Variants in CDC16 observed in about 807,000 individuals in gnomAD.
CDC16 encodes the protein cell division cycle 16, also known as cell division cycle protein 16 homolog.
Under a neutral mutation model 87.0 loss-of-function variants are expected in CDC16, and 34 were observed. That is an observed-to-expected ratio of 0.39 (90% CI 0.30 to 0.52). The LOEUF (loss-of-function observed/expected upper bound fraction) is 0.52, where lower values mean the gene tolerates loss of function less well. CDC16 is among the 20% of genes least tolerant of loss of function. The pLI is 0.74. For synonymous variants in CDC16, 263 were observed against 260.6 expected (o/e 1.01, Z -0.09); for missense variants, 653 against 751.9 (o/e 0.87, Z 1.54).
At chr13:114,254,501 T>A (rs2082381616) in intron 12 of CDC16, among the ~76,000 whole-genome samples, 1 of 152,232 alleles carries the variant, frequency 6.6e-6, no homozygotes, top group Non-Finnish European at 1.5e-5. Context: ...CTTACTCCGA[T>A]ATAGCTGTTT....
At chr13:114,265,544 C>G (rs912820532) in intron 17 of CDC16, among the ~76,000 whole-genome samples, 1 of 152,184 alleles carries the variant, frequency 6.6e-6, no homozygotes, top group African/African-American at 2.4e-5. Context: ...GAAAAGAAAT[C>G]TTAGCAACAT....
chr13:114,263,096 A>G, intron 16 of CDC16, 82 bp downstream of exon 16: 1 of 1,226,722 alleles, frequency 8.2e-7, no homozygotes, highest in Non-Finnish European at 1.2e-6. Flanking sequence ...TCTAGGTAAT[A>G]TTGACTTACT....
chr13:114,268,915 C>T (rs893771229), intron 17 of CDC16, among the ~76,000 whole-genome samples: 1 of 152,216 alleles, frequency 6.6e-6, no homozygotes, highest in Non-Finnish European at 1.5e-5. Flanking sequence ...TGTGGAGCAA[C>T]TTGAACTCTC....
intron 7 of CDC16, 79 bp from the exon 8 acceptor site, chr13:114,243,777 T>G: frequency 1.6e-6 from 2 of 1,236,634 alleles, no homozygotes; most frequent in Non-Finnish European, 2.3e-6. Flanking sequence ...TTTAACCACT[T>G]GGGCCAAACA....
At chr13:114,266,975 C>T (rs1260817851) in intron 17 of CDC16, among the ~76,000 whole-genome samples, 7 of 151,764 alleles carry the variant, frequency 4.6e-5, no homozygotes, top group Non-Finnish European at 8.8e-5. Context: ...GGATTACAGG[C>T]GTGAGCCACC....
rs113389702 is a variant in CDC16, at chr13:114,259,053, C to T, written c.1251-282C>T. Among the ~76,000 whole-genome samples the T allele has an allele frequency of 1.8e-4, 26 of 147,094 alleles. 1 individual carries two copies. The East Asian group carries it at 3.8e-3, about 21-fold the overall frequency. On this transcript the variant is annotated intron_variant, in intron 13 of 17. Transcript: ENST00000356221. The stretch of plus-strand genomic sequence containing the variant: ...GGCAGAGGCTGCAGTGAGCTGAGAT[C>T]GCACCACTGCACTCCAGCCTAGGTA...
chr13:114,242,438 A>G, intron 6 of CDC16, 158 bp downstream of exon 6: 1 of 676,434 alleles, frequency 1.5e-6, no homozygotes, highest in East Asian at 2.7e-5. Context: ...ACGTTGCAGA[A>G]TGCAGTATTG....
chr13:114,250,426 A>G, intron 11 of CDC16, 123 bp from the exon 12 acceptor site: 1 of 799,100 alleles, frequency 1.3e-6, no homozygotes, highest in Non-Finnish European at 1.9e-6. Flanking sequence ...CTGGAGGCGG[A>G]GGCTGCAGAG....
intron 1 of CDC16, 102 bp downstream of exon 1, chr13:114,235,234 G>C: frequency 1.2e-6 from 1 of 810,652 alleles, no homozygotes; most frequent in South Asian, 6.1e-5. Context: ...TGGTGGGGAA[G>C]GACTGGGCCG....
intron 6 of CDC16, 52 bp from the exon 7 acceptor site, chr13:114,243,205 T>TC: frequency 1.2e-6 from 1 of 834,296 alleles, no homozygotes; most frequent in Non-Finnish European, 2.0e-6. Context: ...GTTGGCTTTT[T>TC]CCCCTCTATA....
chr13:114,234,955 C>T lies in CDC16; in HGVS notation c.-130C>T. The stretch of plus-strand genomic sequence containing the variant: ...GGGTGGGGACCTGCGGCCTTCGAGT[C>T]CGCGGCCTTCGAGTCCTGGGGCGGC... On this transcript the variant is annotated 5_prime_UTR_variant, in exon 1 of 18. Transcript: ENST00000356221. The T allele has an allele frequency of 1.7e-6, 1 of 598,060 alleles. No individual in the cohort carries two copies. Among genetic ancestry groups the T allele is most frequent in the Non-Finnish European group, 2.4e-6 (1 of 410,058 alleles). The allele number at this position is 598,060 out of a possible 1,614,324, so 37.0% of individuals were successfully genotyped here.
chr13:114,250,402 G>A, intron 11 of CDC16, 147 bp from the exon 12 acceptor site: 1 of 616,086 alleles, frequency 1.6e-6, no homozygotes, highest in Non-Finnish European at 2.7e-6. Context: ...TGAGGTAGGA[G>A]AATTGCTTGG....
At chr13:114,266,443 G>A (rs2083216787) in intron 17 of CDC16, among the ~76,000 whole-genome samples, 1 of 152,144 alleles carries the variant, frequency 6.6e-6, no homozygotes, top group Non-Finnish European at 1.5e-5. Flanking sequence ...GATAAACTGA[G>A]GCACATCACA....
At chr13:114,247,694 A>G (rs1187231120) in intron 11 of CDC16, among the ~76,000 whole-genome samples, 1 of 152,136 alleles carries the variant, frequency 6.6e-6, no homozygotes, top group East Asian at 1.9e-4. Flanking sequence ...CCTGACTAAC[A>G]TGGTGAAACT....
At chr13:114,254,972 T>C (rs1253814140) in intron 12 of CDC16, among the ~76,000 whole-genome samples, 1 of 152,234 alleles carries the variant, frequency 6.6e-6, no homozygotes, top group East Asian at 1.9e-4. Context: ...CAACCTCTTA[T>C]CATAACCCAG....
At chr13:114,263,168 G>A (rs1159760133) in intron 16 of CDC16, among the ~76,000 whole-genome samples, 154 bp downstream of exon 16, 1 of 152,182 alleles carries the variant, frequency 6.6e-6, no homozygotes, top group Non-Finnish European at 1.5e-5. Flanking sequence ...AAAGCATGTG[G>A]GTGTTGTACA....
At chr13:114,265,013 G>T in intron 16 of CDC16, 137 bp from the exon 17 acceptor site, 1 of 655,228 alleles carries the variant, frequency 1.5e-6, no homozygotes, top group Non-Finnish European at 2.8e-6. Flanking sequence ...AACAATCTTT[G>T]GTTCATGGCC....
Position 114,250,631 on chromosome 13 carries a change from C to CT in CDC16, c.1054_1055insT (p.Gln352LeufsTer32). On this transcript the variant is annotated frameshift_variant, in exon 12 of 18. Transcript: ENST00000356221. LOFTEE classifies it high-confidence loss of function. The stretch of plus-strand genomic sequence containing the variant: ...ATTTGCGGTGGAGAGTGAGCACGAC[C>CT]AAGCGATGGCTGCTTACTTCACAGC... 1 of 1,614,070 alleles carries CT rather than the reference C, an allele frequency of 6.2e-7. No individual in the cohort carries two copies. Among genetic ancestry groups the CT allele is most frequent in the East Asian group, 2.2e-5 (1 of 44,886 alleles).
At position 114,245,028 on chromosome 13, in the gene CDC16, C is replaced by G. The variant is rs978234573; in HGVS notation, c.847+59C>G. ...GACATAAAACAAATCTTTTCTGTAA[C>G]TTGAAATTTTGTCTCTGAAATTCTG... is the stretch of plus-strand genomic sequence containing the variant. On this transcript the variant is annotated intron_variant, in intron 9 of 17. Transcript: ENST00000356221. 3 of 1,039,228 alleles carry G rather than the reference C, an allele frequency of 2.9e-6. No individual in the cohort carries two copies. In the African/African-American group the frequency reaches 4.9e-5, roughly 17 times the overall value. The allele number at this position is 1,039,228 out of a possible 1,614,324, so 64.4% of individuals were successfully genotyped here.
Sources: gnomAD v4.1 joint callset for allele counts (sites outside exome capture counted in the v4.1 genomes callset) on GRCh38, gnomAD v4.1.1 for gene constraint, MANE v1.5 for transcripts, NCBI Gene and HGNC (gene_info 2026-07-23, HGNC 2026-07-21) for gene names.